CAST: variants seen among roughly 807,000 people sequenced by gnomAD.
CAST encodes the protein calpastatin.
Under a neutral mutation model 119.6 loss-of-function variants are expected in CAST, and 76 were observed. That is an observed-to-expected ratio of 0.64 (90% CI 0.53 to 0.77). CAST has a LOEUF of 0.77. CAST is among the 30% of genes least tolerant of loss of function. CAST has a pLI of 0.00. For missense variants in CAST, 953 were observed against 946.5 expected, an observed-to-expected ratio of 1.01 and a Z score of -0.09; for synonymous variants, 319 against 331.6, an observed-to-expected ratio of 0.96 and a Z score of 0.41.
the CAST span, among the ~76,000 whole-genome samples, chr5:96,310,369 C>A: frequency 6.6e-6 from 1 of 152,146 alleles, no homozygotes; most frequent in Non-Finnish European, 1.5e-5. Flanking sequence ...TGATGTTAAT[C>A]AAAAATATTT....
the CAST span, among the ~76,000 whole-genome samples, chr5:96,442,556 G>T: frequency 6.6e-6 from 1 of 152,216 alleles, no homozygotes; most frequent in Non-Finnish European, 1.5e-5. Context: ...CAGTATCCCT[G>T]GCATTAATGC....
At chr5:96,358,254 T>G in the CAST span, among the ~76,000 whole-genome samples, 1,561 of 152,310 alleles carry the variant, frequency 0.01, 27 homozygotes, top group African/African-American at 0.036. Context: ...GTGGTCTATC[T>G]ATTTTGTTAA....
the CAST span, among the ~76,000 whole-genome samples, chr5:96,467,345 T>G: frequency 2.0e-5 from 3 of 152,056 alleles, no homozygotes; most frequent in Non-Finnish European, 4.4e-5. Flanking sequence ...GCTATCAAGT[T>G]TTTTTAATTG....
At chr5:96,391,128 A>T in the CAST span, 5 of 152,236 alleles carry the variant, frequency 3.3e-5, no homozygotes, top group Non-Finnish European at 2.9e-5. Flanking sequence ...ATATCAAACA[A>T]TATATGAAAC....
At chr5:96,457,595 C>T in the CAST span, among the ~76,000 whole-genome samples, 7 of 152,210 alleles carry the variant, frequency 4.6e-5, no homozygotes, top group Admixed American at 3.9e-4. Flanking sequence ...TCAGTGCCTT[C>T]GCCCTTGCTC....
the CAST span, among the ~76,000 whole-genome samples, chr5:95,999,341 T>G: frequency 6.6e-6 from 1 of 152,138 alleles, no homozygotes; most frequent in African/African-American, 2.4e-5. Context: ...TACGCCATAT[T>G]CAGTATATCC....
At chr5:96,570,654 T>C (rs193023348) in intron 1 of CAST, among the ~76,000 whole-genome samples, 1 of 152,306 alleles carries the variant, frequency 6.6e-6, no homozygotes, top group Non-Finnish European at 1.5e-5. Context: ...GTGTGCCCTA[T>C]AGCGAGTTTC....
chr5:96,017,749 T>G, the CAST span, among the ~76,000 whole-genome samples: 1 of 152,166 alleles, frequency 6.6e-6, no homozygotes, highest in African/African-American at 2.4e-5. Flanking sequence ...TAATTAAAAT[T>G]AAAACTAGAA....
At chr5:95,974,482 G>A in the CAST span, among the ~76,000 whole-genome samples, 1 of 152,118 alleles carries the variant, frequency 6.6e-6, no homozygotes, top group Non-Finnish European at 1.5e-5. Flanking sequence ...AAACAAGCAA[G>A]GTAACTTCTC....
chr5:96,684,583 G>A (rs1315772573), intron 2 of CAST, among the ~76,000 whole-genome samples: 5 of 146,150 alleles, frequency 3.4e-5, no homozygotes, highest in African/African-American at 1.3e-4. Flanking sequence ...TTTTTTTTGA[G>A]ATAGAGTCTC....
intron 1 of CAST, among the ~76,000 whole-genome samples, chr5:96,645,039 TC>T (rs1185733287): frequency 1.3e-5 from 2 of 152,130 alleles, no homozygotes; most frequent in African/African-American, 2.4e-5. Flanking sequence ...TTCCACTAAT[TC>T]CCTTTTTTTG....
chr5:96,247,035 T>C, the CAST span, among the ~76,000 whole-genome samples: 9 of 152,188 alleles, frequency 5.9e-5, no homozygotes, highest in Admixed American at 5.9e-4. Flanking sequence ...ATCAAGAAAG[T>C]CATTAAGTAT....
the CAST span, among the ~76,000 whole-genome samples, chr5:96,477,336 C>T: frequency 6.6e-6 from 1 of 151,726 alleles, no homozygotes; most frequent in East Asian, 1.9e-4. Flanking sequence ...ACAGCTGGGG[C>T]ATTTCTGGTC....
chr5:96,519,179 G>T, the CAST span, among the ~76,000 whole-genome samples: 1 of 152,200 alleles, frequency 6.6e-6, no homozygotes, highest in Admixed American at 6.5e-5. Flanking sequence ...CCTTCATTTT[G>T]CACAGATGAG....
the CAST span, among the ~76,000 whole-genome samples, chr5:96,372,883 T>C: frequency 6.6e-6 from 1 of 152,066 alleles, no homozygotes; most frequent in Non-Finnish European, 1.5e-5. Context: ...CTCCGGGGTG[T>C]CTCTTTCATC....
At chr5:96,016,940 CAT>C in the CAST span, among the ~76,000 whole-genome samples, 2 of 150,988 alleles carry the variant, frequency 1.3e-5, no homozygotes, top group Non-Finnish European at 3.0e-5. Flanking sequence ...GGGTTCACAC[CAT>C]TCTCCTGCCT....
At chr5:96,185,915 AAT>A in the CAST span, among the ~76,000 whole-genome samples, 1 of 152,020 alleles carries the variant, frequency 6.6e-6, no homozygotes, top group Admixed American at 6.6e-5. Context: ...AAGGGAATTG[AAT>A]TGAATATATA....
chr5:96,627,396 A>G (rs1419270223), intron 1 of CAST, among the ~76,000 whole-genome samples: 2 of 152,230 alleles, frequency 1.3e-5, no homozygotes, highest in Admixed American at 1.3e-4. Context: ...CCTTTTATGT[A>G]AAATGACCCC....
chr5:96,085,960 C>T, the CAST span, among the ~76,000 whole-genome samples: 1 of 138,014 alleles, frequency 7.2e-6, no homozygotes, highest in South Asian at 2.5e-4. Context: ...GTATCATCAT[C>T]CCTCTGTATC....
Sources: gnomAD v4.1 joint callset for allele counts (sites outside exome capture counted in the v4.1 genomes callset) on GRCh38, gnomAD v4.1.1 for gene constraint, MANE v1.5 for transcripts, NCBI Gene and HGNC (gene_info 2026-07-23, HGNC 2026-07-21) for gene names.